CTNND2: variants seen among roughly 807,000 people sequenced by gnomAD.
CTNND2 encodes the protein catenin delta-2.
CTNND2 carries 22 observed loss-of-function variants against 144.4 expected under a neutral mutation model. The observed-to-expected ratio is 0.15, with a 90% confidence interval of 0.11 to 0.22. The LOEUF (loss-of-function observed/expected upper bound fraction) is 0.22. Among genes scored for constraint, CTNND2 ranks in the 10% least tolerant of loss-of-function variants. The probability of loss-of-function intolerance (pLI) is 1.00; values close to 1 mark genes in which losing one functional copy is unlikely to be tolerated. For synonymous variants in CTNND2, 751 were observed against 695.6 expected, an observed-to-expected ratio of 1.08 and a Z score of -1.25; for missense variants, 1,353 against 1,618.8, an observed-to-expected ratio of 0.84 and a Z score of 2.82.
At chr5:11,487,245 A>T (rs575452758) in intron 3 of CTNND2, among the ~76,000 whole-genome samples, 1 of 152,296 alleles carries the variant, frequency 6.6e-6, no homozygotes. Flanking sequence ...TAAAATGCAA[A>T]ACTTACTAAA....
chr5:11,492,806 C>A (rs893016435), intron 3 of CTNND2, among the ~76,000 whole-genome samples: 1 of 151,956 alleles, frequency 6.6e-6, no homozygotes, highest in Non-Finnish European at 1.5e-5. Flanking sequence ...TGTGGTGGCT[C>A]ACGCCTGTAA....
intron 16 of CTNND2, among the ~76,000 whole-genome samples, chr5:11,060,100 C>G (rs1746790423): frequency 6.6e-6 from 1 of 152,136 alleles, no homozygotes; most frequent in African/African-American, 2.4e-5. Context: ...AAATGTTTGA[C>G]AGAGTCTCCT....
intron 18 of CTNND2, among the ~76,000 whole-genome samples, chr5:11,014,220 C>T (rs183201062): frequency 2.4e-4 from 36 of 152,270 alleles, no homozygotes; most frequent in Middle Eastern, 3.4e-3. Context: ...TCCCCCTCAC[C>T]CATCTTCTTT....
intron 18 of CTNND2, among the ~76,000 whole-genome samples, chr5:10,993,869 C>G (rs1738985611): frequency 6.6e-6 from 1 of 151,822 alleles, no homozygotes; most frequent in Non-Finnish European, 1.5e-5. Flanking sequence ...ATTAATTCAT[C>G]TATTTATGTT....
In CTNND2 at chr5:11,879,341, G is replaced by GTGTATATATATATATATATATATA; in HGVS notation, c.37+24475_37+24476insTATATATATATATATATATATACA. Among the ~76,000 whole-genome samples, 40 of 109,374 alleles carry GTGTATATATATATATATATATATA rather than the reference G, an allele frequency of 3.7e-4. 2 individuals carry two copies. Among genetic ancestry groups the GTGTATATATATATATATATATATA allele is most frequent in the Admixed American group, 1.1e-3 (11 of 9,982 alleles). The allele number at this position is 109,374 out of a possible 152,430, so 71.8% of individuals were successfully genotyped here. On this transcript the variant is annotated intron_variant, in intron 1 of 21. Coordinates refer to ENST00000304623, the MANE Select transcript of CTNND2 (RefSeq NM_001332.4). ...AAGTGTATTAAAAAATTAAATGTGT[G>GTGTATATATATATATATATATATA]TATATATATATATATACATATACAC... is the stretch of plus-strand genomic sequence containing the variant.
chr5:11,645,154 C>T (rs748962453), intron 2 of CTNND2, among the ~76,000 whole-genome samples: 5 of 152,042 alleles, frequency 3.3e-5, no homozygotes, highest in South Asian at 2.1e-4. Context: ...TTTCTAGAGA[C>T]GGGGTTTCAC....
At chr5:11,535,862 T>A (rs1774167850) in intron 3 of CTNND2, among the ~76,000 whole-genome samples, 1 of 152,162 alleles carries the variant, frequency 6.6e-6, no homozygotes, top group Non-Finnish European at 1.5e-5. Flanking sequence ...TAGAAAAGTG[T>A]CTTGAATGCT....
intron 2 of CTNND2, among the ~76,000 whole-genome samples, chr5:11,722,723 T>C (rs184511782): frequency 2.0e-4 from 31 of 152,250 alleles, no homozygotes; most frequent in African/African-American, 7.2e-4. Context: ...TCACTCACTA[T>C]CACAACAACA....
intron 1 of CTNND2, among the ~76,000 whole-genome samples, chr5:11,804,690 A>G: frequency 6.6e-6 from 1 of 152,178 alleles, no homozygotes; most frequent in Non-Finnish European, 1.5e-5. Flanking sequence ...ATGAGTGGTT[A>G]CCAGGGGTTT....
chr5:11,279,616 T>C (rs1038903614), intron 9 of CTNND2, among the ~76,000 whole-genome samples: 15 of 152,222 alleles, frequency 9.9e-5, no homozygotes, highest in African/African-American at 3.6e-4. Flanking sequence ...TTGCATTAGA[T>C]TAGACGATTC....
intron 11 of CTNND2, among the ~76,000 whole-genome samples, chr5:11,188,753 G>C (rs528028621): frequency 1.3e-5 from 2 of 152,334 alleles, no homozygotes; most frequent in South Asian, 4.1e-4. Context: ...AAGCCATATG[G>C]CTAGAAGGGT....
intron 2 of CTNND2, among the ~76,000 whole-genome samples, chr5:11,593,067 A>T (rs1003964178): frequency 4.6e-5 from 7 of 152,146 alleles, no homozygotes; most frequent in Middle Eastern, 3.2e-3. Flanking sequence ...AAATAAAAAA[A>T]ATCAACTCCA....
At chr5:11,744,097 G>A (rs948468016) in intron 1 of CTNND2, among the ~76,000 whole-genome samples, 1 of 152,214 alleles carries the variant, frequency 6.6e-6, no homozygotes, top group Non-Finnish European at 1.5e-5. Context: ...AGTGAGGATG[G>A]GAGCAGGTCT....
chr5:11,824,238 G>T (rs577067556), intron 1 of CTNND2, among the ~76,000 whole-genome samples: 3 of 151,972 alleles, frequency 2.0e-5, no homozygotes, highest in African/African-American at 7.3e-5. Flanking sequence ...CATAAATACC[G>T]CATTGGCCAA....
intron 16 of CTNND2, among the ~76,000 whole-genome samples, chr5:11,042,809 G>A (rs1427164748): frequency 1.3e-5 from 2 of 152,274 alleles, no homozygotes; most frequent in East Asian, 3.9e-4. Flanking sequence ...TGTGGCTTGG[G>A]GTGGTTGGAC....
At position 11,551,900 on chromosome 5, in the gene CTNND2, G is replaced by A. The variant is rs112890098; in HGVS notation, c.287+13044C>T. Among the ~76,000 whole-genome samples, 184 of 151,868 alleles carry A rather than the reference G, an allele frequency of 1.2e-3. 1 individual carries two copies. Among genetic ancestry groups the A allele is most frequent in the Non-Finnish European group, 1.2e-3 (81 of 67,958 alleles). On this transcript the variant is annotated intron_variant, in intron 3 of 21. Transcript: ENST00000304623. Reference sequence around the variant, plus strand: ...ACAGGTGTGAGCCACCACGCCTGGCGTTTTTCAAATTTTGGATAGAGATGA... The same window carrying A: ...ACAGGTGTGAGCCACCACGCCTGGCATTTTTCAAATTTTGGATAGAGATGA...
At chr5:11,173,167 C>T (rs1297652185) in intron 11 of CTNND2, among the ~76,000 whole-genome samples, 1 of 152,224 alleles carries the variant, frequency 6.6e-6, no homozygotes, top group Non-Finnish European at 1.5e-5. Flanking sequence ...TCCCGGGTAC[C>T]CGTGCCCTCT....
intron 1 of CTNND2, among the ~76,000 whole-genome samples, chr5:11,889,519 C>T (rs898006409): frequency 6.6e-5 from 10 of 152,166 alleles, no homozygotes; most frequent in Non-Finnish European, 1.5e-5. Context: ...TCTAATGACA[C>T]ATTTGATAAC....
chr5:11,182,797 A>T (rs1306243408), intron 11 of CTNND2, among the ~76,000 whole-genome samples: 1 of 152,214 alleles, frequency 6.6e-6, no homozygotes, highest in Non-Finnish European at 1.5e-5. Context: ...GGTAATTTGC[A>T]TAGATATAGC....
Sources: allele counts gnomAD v4.1 joint callset (sites outside exome capture counted in the v4.1 genomes callset), GRCh38; gene constraint gnomAD v4.1.1; transcripts MANE v1.5; gene names NCBI Gene and HGNC (gene_info 2026-07-23, HGNC 2026-07-21).